KANSL1L: variants seen among roughly 807,000 people sequenced by gnomAD.
The protein encoded by KANSL1L is KAT8 regulatory NSL complex subunit 1-like protein.
A neutral mutation model predicts 108.6 loss-of-function variants in KANSL1L; 25 were observed. The ratio of observed to expected loss-of-function variants is 0.23; its 90% CI spans 0.17 to 0.32. The LOEUF is 0.32. Ranked by LOEUF, KANSL1L falls within the 10% of genes least tolerant of loss-of-function variation. KANSL1L has a pLI of 1.00. For synonymous variants in KANSL1L, 405 were observed against 395.1 expected (o/e 1.03, Z -0.30); for missense variants, 1,137 against 1,125.7 (o/e 1.01, Z -0.14).
intron 5 of KANSL1L, among the ~76,000 whole-genome samples, chr2:210,084,199 A>G (rs534141956): frequency 3.3e-5 from 5 of 152,218 alleles, no homozygotes; most frequent in Admixed American, 6.5e-5. Context: ...ACACAAGCAG[A>G]TTGCCTGAGG....
At chr2:210,113,167 T>C (rs1313376680) in intron 3 of KANSL1L, among the ~76,000 whole-genome samples, 1 of 152,108 alleles carries the variant, frequency 6.6e-6, no homozygotes, top group South Asian at 2.1e-4. Context: ...CCTCCTCCTC[T>C]GGCAGAAGGC....
chr2:210,127,050 A>G, intron 3 of KANSL1L, among the ~76,000 whole-genome samples: 1 of 152,130 alleles, frequency 6.6e-6, no homozygotes, highest in Non-Finnish European at 1.5e-5. Context: ...AAAAAGAAGA[A>G]AAGAAATTAA....
At chr2:210,090,891 T>G (rs1294270646) in intron 5 of KANSL1L, among the ~76,000 whole-genome samples, 1 of 152,208 alleles carries the variant, frequency 6.6e-6, no homozygotes, top group Non-Finnish European at 1.5e-5. Flanking sequence ...AACTTCCTAT[T>G]ATTATATTGC....
At chr2:210,029,082 A>C (rs1373975524) in intron 10 of KANSL1L, 113 bp from the exon 11 acceptor site, 1 of 889,026 alleles carries the variant, frequency 1.1e-6, no homozygotes, top group Non-Finnish European at 1.7e-6. Context: ...TTTTGTAAAT[A>C]CATTGTTATA....
In KANSL1L at chr2:210,154,463, T is replaced by C; in HGVS notation, c.120A>G (p.Leu40=). ...MESPRTVDEK[L]KGDTFSQMLG... ...GCATCTGAGAAAAGGTGTCTCCCTT[T>C]AGCTTTTCATCTACAGTTCTGGGAC... Residue 40 remains leucine, a synonymous_variant, in exon 2 of 15, where the codon CTA becomes CTG. Coordinates refer to ENST00000281772, the MANE Select transcript of KANSL1L (RefSeq NM_152519.4). 6.2e-7 allele frequency: 1 copy of C among 1,613,532 alleles called. No individual in the cohort carries two copies. The highest frequency in any genetic ancestry group is 8.5e-7 in the Non-Finnish European group (1 of 1,179,734).
At chr2:210,065,760 A>G (rs2094462546) in intron 6 of KANSL1L, among the ~76,000 whole-genome samples, 1 of 151,842 alleles carries the variant, frequency 6.6e-6, no homozygotes, top group Admixed American at 6.6e-5. Context: ...TAATATTTGT[A>G]TTTTTAGAAG....
intron 6 of KANSL1L, among the ~76,000 whole-genome samples, chr2:210,070,206 CA>C (rs1559531845): frequency 7.2e-6 from 1 of 139,804 alleles, no homozygotes; most frequent in African/African-American, 2.6e-5. Context: ...CTCTGTGTCT[CA>C]AATCTCTTTC....
chr2:210,080,145 G>GCACACA (rs79443997), intron 5 of KANSL1L: 2,891 of 146,202 alleles, frequency 0.02, 80 homozygotes, highest in African/African-American at 0.064. Flanking sequence ...ACACACGCGT[G>GCACACA]CACACACACA....
In KANSL1L at chr2:210,055,024, C is replaced by T. The variant is rs552052325; in HGVS notation, c.1756-10920G>A. Among the ~76,000 whole-genome samples the T allele has an allele frequency of 7.2e-5, 11 of 152,242 alleles. No homozygotes were observed. In the South Asian group the frequency reaches 2.3e-3, roughly 32 times the overall value. On this transcript the variant is annotated intron_variant, in intron 6 of 14. Transcript: ENST00000281772. ...GTGATACGGTTTGGCTGTGTCCCCA[C>T]CCAGATCTCATCTTGAATTGTAGTT...
rs889377611 is a variant in KANSL1L at position 210,087,146 on chromosome 2, A to T, written c.1550+10940T>A. On this transcript the variant is annotated intron_variant, in intron 5 of 14. Transcript: ENST00000281772. ...TGGGACCAAGCAATCCTCCCACCTC[A>T]GCGTCCCAAGCAGCTGAGACCACAT... Among the ~76,000 whole-genome samples, 4 of 151,628 alleles carry T rather than the reference A, an allele frequency of 2.6e-5. No homozygotes were observed. In the East Asian group the frequency reaches 7.7e-4, roughly 29 times the overall value.
chr2:210,124,018 T>G (rs2095044484), intron 3 of KANSL1L, among the ~76,000 whole-genome samples: 1 of 152,130 alleles, frequency 6.6e-6, no homozygotes, highest in Admixed American at 6.6e-5. Context: ...CAAAATCTGA[T>G]AGAATTGCAA....
At chr2:210,172,480 A>G (rs263675), upstream of KANSL1L, among the ~76,000 whole-genome samples, 13,786 of 152,188 alleles carry the variant, frequency 0.091, 670 homozygotes, top group Middle Eastern at 0.14. Context: ...AAAATTAGCT[A>G]CTCGTTCCTG....
chr2:210,100,613 C>A (rs2094784482), intron 4 of KANSL1L, among the ~76,000 whole-genome samples: 1 of 152,126 alleles, frequency 6.6e-6, no homozygotes, highest in Non-Finnish European at 1.5e-5. Flanking sequence ...TACCACTTAA[C>A]TCACTCCTAG....
At chr2:210,079,644 A>ATATATGTATGTG (rs1553653223) in intron 5 of KANSL1L, among the ~76,000 whole-genome samples, 19 of 8,978 alleles carry the variant, frequency 2.1e-3, no homozygotes, top group African/African-American at 3.6e-3. Context: ...ATATATATAT[A>ATATATGTATGTG]TATATATATA....
upstream of KANSL1L, chr2:210,171,793 C>A (rs1017978349): frequency 3.3e-5 from 5 of 152,128 alleles, no homozygotes; most frequent in Admixed American, 3.3e-4. Flanking sequence ...GCCTCGACTA[C>A]TGCTGGCGTC....
chr2:210,022,889 C>T lies in KANSL1L; in HGVS notation c.*60G>A, dbSNP rs556627515. On this transcript the variant is annotated 3_prime_UTR_variant, in exon 15 of 15. Transcript: ENST00000281772. ...TCTGGAGGGGATGGGGGATCCAGAA[C>T]AGGGCTTTATTTCCTCCCATCTTTC... The T allele has an allele frequency of 1.3e-3, 1,524 of 1,160,228 alleles. 1 individual carries two copies. The highest frequency in any genetic ancestry group is 1.8e-3 in the Non-Finnish European group (1,411 of 778,192). The allele number at this position is 1,160,228 out of a possible 1,614,324, so 71.9% of individuals were successfully genotyped here. A position where few individuals can be genotyped will look rare whatever the true frequency, so the allele number is the denominator to read the frequency against.
In KANSL1L at chr2:210,054,878, T is replaced by A. The variant is rs531834849; in HGVS notation, c.1756-10774A>T. 1.5e-4 allele frequency among the ~76,000 whole-genome samples: 23 copies of A among 152,260 alleles called. 1 individual carries two copies. The South Asian group carries it at 4.8e-3, about 32-fold the overall frequency. On this transcript the variant is annotated intron_variant, in intron 6 of 14. Coordinates refer to ENST00000281772, the MANE Select transcript of KANSL1L (RefSeq NM_152519.4). ...GAAAATACTATTTGTAGACAACATG[T>A]TCCTAGATACAGAAAACCCCAAAGA...
intron 2 of KANSL1L, among the ~76,000 whole-genome samples, chr2:210,141,035 CTAAGA>C (rs1057088051): frequency 1.3e-5 from 2 of 152,000 alleles, no homozygotes; most frequent in Non-Finnish European, 2.9e-5. Context: ...TTTCTTATCT[CTAAGA>C]TGTCATCAGC....
intron 6 of KANSL1L, among the ~76,000 whole-genome samples, chr2:210,053,179 G>A (rs182113254): frequency 3.9e-5 from 6 of 152,336 alleles, no homozygotes; most frequent in Admixed American, 3.3e-4. Context: ...TTAAAGGCCT[G>A]AAGGGAAGAT....
Sources: allele counts gnomAD v4.1 joint callset (sites outside exome capture counted in the v4.1 genomes callset), GRCh38; gene constraint gnomAD v4.1.1; transcripts MANE v1.5; gene names NCBI Gene and HGNC (gene_info 2026-07-23, HGNC 2026-07-21).